INPP4B: variants seen among roughly 807,000 people sequenced by gnomAD.
INPP4B encodes the protein inositol polyphosphate-4-phosphatase type II B.
A neutral mutation model predicts 122.5 loss-of-function variants in INPP4B; 55 were observed. The observed-to-expected ratio is 0.45, with a 90% CI of 0.36 to 0.56. The LOEUF is 0.56. Ranked by LOEUF, INPP4B falls within the 20% of genes least tolerant of loss-of-function variation. The pLI is 0.00. For missense variants in INPP4B, 1,000 were observed against 1,097.7 expected (o/e 0.91, Z 1.26); for synonymous variants, 403 against 388.7 (o/e 1.04, Z -0.43).
intron 7 of INPP4B, among the ~76,000 whole-genome samples, chr4:142,399,123 G>T (rs1429013083): frequency 6.6e-6 from 1 of 151,210 alleles, no homozygotes; most frequent in Non-Finnish European, 1.5e-5. Context: ...CATGTTGCAT[G>T]GGATGAATGG....
At chr4:142,650,178 T>G (rs1752638290) in intron 2 of INPP4B, among the ~76,000 whole-genome samples, 1 of 152,174 alleles carries the variant, frequency 6.6e-6, no homozygotes, top group South Asian at 2.1e-4. Context: ...AGAGATTCTG[T>G]CACCACCAGG....
At chr4:142,331,045 A>C (rs1774269693) in intron 7 of INPP4B, among the ~76,000 whole-genome samples, 1 of 152,202 alleles carries the variant, frequency 6.6e-6, no homozygotes, top group Non-Finnish European at 1.5e-5. Context: ...AAACATTTTC[A>C]GATAATGTTG....
At chr4:142,318,469 C>T (rs1768679763) in intron 7 of INPP4B, among the ~76,000 whole-genome samples, 1 of 152,206 alleles carries the variant, frequency 6.6e-6, no homozygotes, top group Non-Finnish European at 1.5e-5. Flanking sequence ...CTGAGAATTT[C>T]AAGCCTTCCT....
At chr4:142,233,581 G>A (rs915171257) in intron 12 of INPP4B, among the ~76,000 whole-genome samples, 9 of 152,200 alleles carry the variant, frequency 5.9e-5, no homozygotes, top group Admixed American at 5.9e-4. Flanking sequence ...CAAGGTAAGA[G>A]TCTATCTGAA....
At chr4:142,680,574 C>CA (rs1758476368) in intron 2 of INPP4B, among the ~76,000 whole-genome samples, 1 of 151,982 alleles carries the variant, frequency 6.6e-6, no homozygotes, top group African/African-American at 2.4e-5. Flanking sequence ...CAGTTTTCAG[C>CA]AAGTACATAA....
At chr4:142,320,312 C>T (rs1769502633) in intron 7 of INPP4B, among the ~76,000 whole-genome samples, 1 of 152,162 alleles carries the variant, frequency 6.6e-6, no homozygotes, top group Non-Finnish European at 1.5e-5. Flanking sequence ...ATGACCTAAT[C>T]ATGACAGTAA....
At chr4:142,420,863 C>A (rs1371437504) in intron 5 of INPP4B, among the ~76,000 whole-genome samples, 1 of 152,128 alleles carries the variant, frequency 6.6e-6, no homozygotes, top group Non-Finnish European at 1.5e-5. Context: ...CACAAAAGTT[C>A]AGTGGCTAGA....
At chr4:142,202,381 G>C (rs1841007896) in intron 14 of INPP4B, among the ~76,000 whole-genome samples, 1 of 152,010 alleles carries the variant, frequency 6.6e-6, no homozygotes, top group Non-Finnish European at 1.5e-5. Flanking sequence ...TTTCAAAATG[G>C]CATGTAATAT....
chr4:142,145,005 C>CA (rs1809921428), intron 18 of INPP4B, among the ~76,000 whole-genome samples: 1 of 151,780 alleles, frequency 6.6e-6, no homozygotes. Context: ...AAGTACCCAG[C>CA]AAAAAAGTCT....
At chr4:142,661,228 TG>T (rs1352868983) in intron 2 of INPP4B, among the ~76,000 whole-genome samples, 1 of 152,172 alleles carries the variant, frequency 6.6e-6, no homozygotes, top group Non-Finnish European at 1.5e-5. Flanking sequence ...GGCCTTGGGA[TG>T]GACAAGAACC....
intron 2 of INPP4B, among the ~76,000 whole-genome samples, chr4:142,608,520 T>C (rs1025170306): frequency 6.6e-6 from 1 of 152,138 alleles, no homozygotes; most frequent in Non-Finnish European, 1.5e-5. Flanking sequence ...TTGAAATCCA[T>C]CTCTGTCATA....
intron 25 of INPP4B, among the ~76,000 whole-genome samples, chr4:142,041,540 C>A (rs988429965): frequency 6.6e-6 from 1 of 152,036 alleles, no homozygotes; most frequent in Non-Finnish European, 1.5e-5. Flanking sequence ...ATCACTTGAA[C>A]CTGGGAGGCG....
At chr4:142,545,804 TAC>T (rs202192615) in intron 2 of INPP4B, among the ~76,000 whole-genome samples, 49 of 104,784 alleles carry the variant, frequency 4.7e-4, no homozygotes, top group Middle Eastern at 5.3e-3. Context: ...TGTATATATA[TAC>T]ACATATACAT....
At chr4:142,826,210 C>T (rs976323891) in intron 1 of INPP4B, among the ~76,000 whole-genome samples, 1 of 151,954 alleles carries the variant, frequency 6.6e-6, no homozygotes, top group Admixed American at 6.6e-5. Flanking sequence ...GTATCTTTTC[C>T]CCAGAATTCA....
intron 5 of INPP4B, among the ~76,000 whole-genome samples, chr4:142,416,411 G>C (rs1468795326): frequency 6.6e-6 from 1 of 152,106 alleles, no homozygotes; most frequent in Non-Finnish European, 1.5e-5. Flanking sequence ...TGCAGATGGT[G>C]GTTGGTTAAG....
Position 142,122,133 on chromosome 4 carries a change from T to C in INPP4B, c.2130A>G (p.Gly710=). The part of the protein sequence containing the change: ...KSNDVLPVIT[G]RREHYVVEVK... ...AGGAAGTGAGCACTGCTTACCGTCTTCCTGTTATAACTGGCAACACATCAT... is the reference window on the plus strand; with the variant it reads ...AGGAAGTGAGCACTGCTTACCGTCTCCCTGTTATAACTGGCAACACATCAT... Residue 710 remains glycine (G), a synonymous_variant, in exon 21 of 26, where the codon GGA becomes GGG. Coordinates refer to ENST00000262992, the MANE Select transcript of INPP4B (RefSeq NM_001101669.3). 1.2e-6 allele frequency: 2 copies of C among 1,603,908 alleles called. No homozygotes were observed. Among genetic ancestry groups the C allele is most frequent in the Non-Finnish European group, 8.5e-7 (1 of 1,172,590 alleles).
At chr4:142,032,256 G>T (rs1354851114) in intron 25 of INPP4B, among the ~76,000 whole-genome samples, 2 of 150,310 alleles carry the variant, frequency 1.3e-5, no homozygotes, top group Non-Finnish European at 2.9e-5. Context: ...GGTCTCAGTG[G>T]GAAAGCCCAG....
intron 7 of INPP4B, among the ~76,000 whole-genome samples, chr4:142,325,582 T>G: frequency 6.6e-6 from 1 of 152,212 alleles, no homozygotes; most frequent in East Asian, 1.9e-4. Flanking sequence ...TTCTATAGGC[T>G]TCCATGCCAA....
At chr4:142,744,755 CA>C (rs1325525763) in intron 1 of INPP4B, among the ~76,000 whole-genome samples, 1 of 151,252 alleles carries the variant, frequency 6.6e-6, no homozygotes, top group South Asian at 2.1e-4. Flanking sequence ...ACATAAACTA[CA>C]AAAAATGTTA....
Sources: allele counts gnomAD v4.1 joint callset (sites outside exome capture counted in the v4.1 genomes callset), GRCh38; gene constraint gnomAD v4.1.1; transcripts MANE v1.5; gene names NCBI Gene and HGNC (gene_info 2026-07-23, HGNC 2026-07-21).